BMP2K: variants seen among roughly 807,000 people sequenced by gnomAD.
BMP2K encodes the protein BMP2 inducible kinase, also known as BMP-2-inducible protein kinase.
Under a neutral mutation model 116.0 loss-of-function variants are expected in BMP2K, and 74 were observed. The observed-to-expected ratio is 0.64, with a 90% CI of 0.53 to 0.77. The LOEUF (loss-of-function observed/expected upper bound fraction) is 0.77. Among genes scored for constraint, BMP2K ranks in the 30% least tolerant of loss-of-function variants. The probability of loss-of-function intolerance (pLI) is 0.00; values close to 1 mark genes in which losing one functional copy is unlikely to be tolerated. For missense variants in BMP2K, 1,365 were observed against 1,403.6 expected, an observed-to-expected ratio of 0.97 and a Z score of 0.44; for synonymous variants, 486 against 502.5, an observed-to-expected ratio of 0.97 and a Z score of 0.44.
At chr4:78,850,547 T>C (rs754623974) in intron 6 of BMP2K, among the ~76,000 whole-genome samples, 3 of 151,930 alleles carry the variant, frequency 2.0e-5, no homozygotes, top group Non-Finnish European at 4.4e-5. Context: ...AAACATGCTT[T>C]ATAGTGAATG....
chr4:78,802,271 C>G (rs1219121142), intron 1 of BMP2K, among the ~76,000 whole-genome samples: 1 of 152,110 alleles, frequency 6.6e-6, no homozygotes, highest in African/African-American at 2.4e-5. Flanking sequence ...CTTATGTTGG[C>G]CTTTGGCTGT....
At chr4:78,856,507 T>C (rs1348706021) in intron 7 of BMP2K, among the ~76,000 whole-genome samples, 2 of 152,162 alleles carry the variant, frequency 1.3e-5, no homozygotes, top group African/African-American at 4.8e-5. Flanking sequence ...AGATGCCTTA[T>C]TGATTTTTTT....
chr4:78,838,579 T>C (rs552050522), intron 3 of BMP2K, among the ~76,000 whole-genome samples: 1 of 152,310 alleles, frequency 6.6e-6, no homozygotes, highest in East Asian at 1.9e-4. Flanking sequence ...GGGCAGAGAA[T>C]AGAGGACTAA....
chr4:78,849,699 A>G (rs996550762), intron 6 of BMP2K, among the ~76,000 whole-genome samples: 1 of 151,766 alleles, frequency 6.6e-6, no homozygotes, highest in African/African-American at 2.4e-5. Context: ...TTTTGTAACC[A>G]TATGGAACCT....
intron 15 of BMP2K, among the ~76,000 whole-genome samples, chr4:78,906,738 C>T (rs989077127): frequency 1.3e-5 from 2 of 152,122 alleles, no homozygotes; most frequent in Admixed American, 1.3e-4. Context: ...TTACTAGAAG[C>T]TTATTGGGTA....
At chr4:78,863,470 G>C (rs540408113) in intron 9 of BMP2K, among the ~76,000 whole-genome samples, 39 of 152,154 alleles carry the variant, frequency 2.6e-4, no homozygotes, top group Admixed American at 1.1e-3. Context: ...TCTTAGTATG[G>C]TTTAAGATGT....
chr4:78,786,846 C>T (rs766977317), intron 1 of BMP2K, among the ~76,000 whole-genome samples: 10 of 152,104 alleles, frequency 6.6e-5, no homozygotes, highest in African/African-American at 1.7e-4. Context: ...TAATAAAATG[C>T]GTAATTTTCT....
intron 1 of BMP2K, among the ~76,000 whole-genome samples, chr4:78,789,949 A>C (rs1034437555): frequency 6.6e-6 from 1 of 152,202 alleles, no homozygotes; most frequent in East Asian, 1.9e-4. Flanking sequence ...AAGTGCTGTA[A>C]TATCGGATCC....
intron 1 of BMP2K, among the ~76,000 whole-genome samples, chr4:78,790,844 G>A (rs1158663332): frequency 6.6e-6 from 1 of 152,030 alleles, no homozygotes; most frequent in African/African-American, 2.4e-5. Flanking sequence ...GACAGACTAA[G>A]ATCCTGTGTC....
At chr4:78,873,484 C>T (rs1393389855) in intron 13 of BMP2K, among the ~76,000 whole-genome samples, 7 of 152,188 alleles carry the variant, frequency 4.6e-5, no homozygotes, top group African/African-American at 1.7e-4. Flanking sequence ...TACATGAACA[C>T]TGAAGTTCTC....
chr4:78,857,910 G>C (rs551506719), intron 7 of BMP2K, among the ~76,000 whole-genome samples: 2 of 151,826 alleles, frequency 1.3e-5, no homozygotes, highest in Non-Finnish European at 2.9e-5. Flanking sequence ...CAAATTTTGG[G>C]CCTGCATTTA....
intron 2 of BMP2K, among the ~76,000 whole-genome samples, chr4:78,829,402 G>GTTTTTTTTTTTTTT (rs79345386): frequency 1.5e-5 from 2 of 133,856 alleles, no homozygotes; most frequent in Non-Finnish European, 1.7e-5. Context: ...ATAGTTTTTT[G>GTTTTTTTTTTTTTT]TTTTTTTTTT....
chr4:78,899,657 T>A (rs2110092411), intron 15 of BMP2K, among the ~76,000 whole-genome samples: 1 of 138,592 alleles, frequency 7.2e-6, no homozygotes, highest in African/African-American at 3.1e-5. Context: ...AAGAAAGAAT[T>A]TTTTTTTTTT....
At chr4:78,871,202 G>T in intron 11 of BMP2K, 142 bp downstream of exon 11, 3 of 1,425,182 alleles carry the variant, frequency 2.1e-6, no homozygotes, top group Non-Finnish European at 2.8e-6. Flanking sequence ...AATTATGAAA[G>T]AATACGTATT....
At chr4:78,846,135 C>A (rs1466465282) in intron 5 of BMP2K, among the ~76,000 whole-genome samples, 2 of 151,550 alleles carry the variant, frequency 1.3e-5, no homozygotes, top group Non-Finnish European at 3.0e-5. Context: ...TTGCTGTTGC[C>A]TTTTGAAGTA....
intron 15 of BMP2K, among the ~76,000 whole-genome samples, chr4:78,899,534 A>G (rs1208836636): frequency 6.6e-6 from 1 of 152,132 alleles, no homozygotes; most frequent in Non-Finnish European, 1.5e-5. Context: ...TAGAAGAGGG[A>G]TGAGAAGAAG....
At position 78,788,061 on chromosome 4, in the gene BMP2K, T is replaced by C. The variant is rs142495479; in HGVS notation, c.178+11340T>C. On this transcript the variant is annotated intron_variant, in intron 1 of 15. Transcript: ENST00000502613. ...ACTACTACTAAAGTAATTTTTTTTT[T>C]TCCTGAATCTTGTCAGGACTATTTT... 1.3e-3 allele frequency among the ~76,000 whole-genome samples: 205 copies of C among 152,300 alleles called. 2 individuals carry two copies. The highest frequency in any genetic ancestry group is 4.8e-3 in the African/African-American group (200 of 41,558).
intron 1 of BMP2K, among the ~76,000 whole-genome samples, chr4:78,804,083 C>T (rs1473085625): frequency 1.3e-5 from 2 of 152,166 alleles, no homozygotes; most frequent in Non-Finnish European, 2.9e-5. Flanking sequence ...CATCAACCCC[C>T]AAAGAAACCC....
chr4:78,829,931 A>G (rs898859356), intron 2 of BMP2K, among the ~76,000 whole-genome samples: 3 of 150,858 alleles, frequency 2.0e-5, no homozygotes, highest in African/African-American at 4.9e-5. Context: ...GCTCACTGCA[A>G]CCTTGGCCTC....
Sources: gnomAD v4.1 joint callset for allele counts (sites outside exome capture counted in the v4.1 genomes callset) on GRCh38, gnomAD v4.1.1 for gene constraint, MANE v1.5 for transcripts, NCBI Gene and HGNC (gene_info 2026-07-23, HGNC 2026-07-21) for gene names.